Variants in SP140 observed in about 807,000 individuals in gnomAD.
SP140 encodes the protein nuclear body protein SP140.
Under a neutral mutation model 125.0 loss-of-function variants are expected in SP140, and 81 were observed. The ratio of observed to expected loss-of-function variants is 0.65; its 90% CI spans 0.54 to 0.78. The LOEUF (loss-of-function observed/expected upper bound fraction) is 0.78, where lower values mean the gene tolerates loss of function less well. Among genes scored for constraint, SP140 ranks in the 30% least tolerant of loss-of-function variants. The probability of loss-of-function intolerance (pLI) is 0.00; values close to 1 mark genes in which losing one functional copy is unlikely to be tolerated. For synonymous variants in SP140, 312 were observed against 354.0 expected, an observed-to-expected ratio of 0.88 and a Z score of 1.33; for missense variants, 858 against 1,037.0, an observed-to-expected ratio of 0.83 and a Z score of 2.37.
chr2:230,310,266 T>C (rs2149625945), intron 23 of SP140: 1 of 552,618 alleles, frequency 1.8e-6, no homozygotes, highest in Non-Finnish European at 3.2e-6. Context: ...GAGGGCAGTG[T>C]TGGGGACCTT....
downstream of SP140, among the ~76,000 whole-genome samples, chr2:230,315,906 C>T (rs1205304781): frequency 6.6e-6 from 1 of 152,148 alleles, no homozygotes; most frequent in African/African-American, 2.4e-5. Flanking sequence ...AATATGGTAT[C>T]TTTATTATAA....
At chr2:230,191,125 G>A in the SP140 span, among the ~76,000 whole-genome samples, 1 of 151,974 alleles carries the variant, frequency 6.6e-6, no homozygotes, top group African/African-American at 2.4e-5. Context: ...AGAATCTCTG[G>A]GACACAGCTA....
At position 230,305,969 on chromosome 2, in the gene SP140, C is replaced by T. The variant is rs562345820; in HGVS notation, c.2059-3955C>T. Among the ~76,000 whole-genome samples the T allele has an allele frequency of 3.2e-4, 48 of 152,212 alleles. 1 individual carries two copies. Among genetic ancestry groups the T allele is most frequent in the Non-Finnish European group, 3.8e-4 (26 of 68,034 alleles). On this transcript the variant is annotated intron_variant, in intron 22 of 26. Transcript: ENST00000392045. ...TCACAAGCCAGGAGAGGGGGTGCCC[C>T]AAGCCATCCCTGAGCCTTGGGGCCA...
At chr2:230,262,139 G>C (rs779481552) in intron 12 of SP140, among the ~76,000 whole-genome samples, 5 of 152,078 alleles carry the variant, frequency 3.3e-5, no homozygotes, top group Non-Finnish European at 7.4e-5. Context: ...CTTGTTACTG[G>C]TCTGTTCAAG....
At chr2:230,212,975 G>T (rs1398219754) in intron 1 of SP140, 8 of 1,614,036 alleles carry the variant, frequency 5.0e-6, no homozygotes, top group Non-Finnish European at 6.8e-6. Context: ...GGCCAGTTGG[G>T]GCTTCAAGTA....
intron 15 of SP140, among the ~76,000 whole-genome samples, chr2:230,283,594 A>G (rs1023311843): frequency 8.5e-5 from 13 of 152,216 alleles, no homozygotes; most frequent in Admixed American, 7.2e-4. Flanking sequence ...GTCACTATCC[A>G]GGAAGGAGAT....
At position 230,233,243 on chromosome 2, in the gene SP140, A is replaced by C. The variant is rs1299266733; in HGVS notation, c.60-3840A>C. Among the ~76,000 whole-genome samples the C allele has an allele frequency of 3.3e-5, 5 of 152,252 alleles. No homozygotes were observed. In the East Asian group the frequency reaches 9.6e-4, roughly 29 times the overall value. The stretch of plus-strand genomic sequence containing the variant: ...TATATTTCTCTAACTGAGACCATCA[A>C]ATTTATAACTATATCATTTGAATTT... On this transcript the variant is annotated intron_variant, in intron 1 of 26. Transcript: ENST00000392045.
At chr2:230,287,840 T>A in intron 17 of SP140, 52 bp from the exon 18 acceptor site, 1 of 1,463,010 alleles carries the variant, frequency 6.8e-7, no homozygotes, top group Non-Finnish European at 9.4e-7. Flanking sequence ...CTGTAATATG[T>A]GTAATACAGC....
rs2059424002 is a variant in SP140, at chr2:230,312,680, A to G, written c.2600A>G (p.Asn867Ser). ...GCTATTCAGGAAACAAATGGGAACA[A>G]TTGACTGGATTAGTGGATGCTGAAA... The part of the protein sequence containing the change: ...VFAIQETNGN[N>S] Residue 867 changes from asparagine (N) to serine (S), a missense_variant, in exon 27 of 27, where the codon AAT (asparagine) becomes AGT (serine). This residue lies in a region of SP140 where 43 missense variants were observed against 35.1 expected (regional missense o/e 1.23). Transcript: ENST00000392045. 2.5e-6 allele frequency: 4 copies of G among 1,602,414 alleles called. No homozygotes were observed. Among genetic ancestry groups the G allele is most frequent in the Middle Eastern group, 1.7e-4 (1 of 6,042 alleles).
At chr2:230,202,965 A>G, upstream of SP140, 1 of 555,032 alleles carries the variant, frequency 1.8e-6, no homozygotes, top group South Asian at 2.1e-5. Flanking sequence ...ACCTGTTGCA[A>G]TCAACTAGAT....
chr2:230,279,206 A>T (rs1266268733), intron 15 of SP140, among the ~76,000 whole-genome samples: 1 of 152,132 alleles, frequency 6.6e-6, no homozygotes, highest in Non-Finnish European at 1.5e-5. Context: ...ATGTTCATGA[A>T]CTGGAAGAAT....
Position 230,238,429 on chromosome 2 carries a change from C to T in SP140, c.406+48C>T, listed in dbSNP as rs751374550. ...TTGGGGGATTCAAGCCCATTTCATT[C>T]ATTGATTCATTCATTCACTCTTCAT... On this transcript the variant is annotated intron_variant, in intron 3 of 26. Coordinates refer to ENST00000392045, the MANE Select transcript of SP140 (RefSeq NM_007237.5). The T allele has an allele frequency of 1.0e-5, 15 of 1,506,558 alleles. No homozygotes were observed. The South Asian group carries it at 1.8e-4, about 18-fold the overall frequency. 93.3% of individuals were successfully genotyped at this position (1,506,558 alleles called of 1,614,324 possible).
At chr2:230,251,442 C>A (rs16826952) in intron 10 of SP140, among the ~76,000 whole-genome samples, 21,539 of 152,094 alleles carry the variant, frequency 0.14, 1,574 homozygotes, top group African/African-American at 0.18. Context: ...TGGGGCCAGA[C>A]AAACTGGGTA....
intron 24 of SP140, 81 bp from the exon 25 acceptor site, chr2:230,311,073 T>C: frequency 6.2e-7 from 1 of 1,607,548 alleles, no homozygotes; most frequent in South Asian, 1.1e-5. Context: ...GGAAGAAGGG[T>C]GTGAGTTCTG....
intron 22 of SP140, among the ~76,000 whole-genome samples, chr2:230,302,841 G>GA (rs2058415622): frequency 6.6e-6 from 1 of 152,074 alleles, no homozygotes; most frequent in Non-Finnish European, 1.5e-5. Context: ...AGATGGAAAT[G>GA]AAAAAATCCT....
intron 22 of SP140, among the ~76,000 whole-genome samples, chr2:230,305,470 G>C (rs1402148750): frequency 6.6e-6 from 1 of 152,254 alleles, no homozygotes; most frequent in Admixed American, 6.5e-5. Flanking sequence ...GCAGGCGCTG[G>C]CCGTGGGTCT....
At chr2:230,292,367 G>C (rs2057215136) in intron 19 of SP140, among the ~76,000 whole-genome samples, 1 of 152,182 alleles carries the variant, frequency 6.6e-6, no homozygotes, top group Non-Finnish European at 1.5e-5. Flanking sequence ...TTTTCCTTCT[G>C]TAAGTGCTTT....
chr2:230,291,987 T>C (rs1211330778), intron 19 of SP140, among the ~76,000 whole-genome samples: 1 of 152,200 alleles, frequency 6.6e-6, no homozygotes, highest in Non-Finnish European at 1.5e-5. Flanking sequence ...GTATCTCATT[T>C]TGGTTTTGGT....
intron 1 of SP140, among the ~76,000 whole-genome samples, chr2:230,226,762 C>CAAA (rs11323886): frequency 1.1e-5 from 1 of 94,262 alleles, no homozygotes; most frequent in Admixed American, 1.2e-4. Context: ...AATTCCATCT[C>CAAA]AAAAAAAAAA....
Sources: allele counts gnomAD v4.1 joint callset (sites outside exome capture counted in the v4.1 genomes callset), GRCh38; gene constraint gnomAD v4.1.1; regional missense constraint gnomAD v4.1.1; transcripts MANE v1.5; gene names NCBI Gene and HGNC (gene_info 2026-07-23, HGNC 2026-07-21).